The following MAGI1 variants were observed in gnomAD, a reference collection of about 807,000 sequenced individuals.
MAGI1 encodes the protein membrane associated guanylate kinase, WW and PDZ domain containing 1, also known as membrane-associated guanylate kinase, WW and PDZ domain-containing protein 1.
Under a neutral mutation model 139.9 loss-of-function variants are expected in MAGI1, and 58 were observed. The observed-to-expected ratio is 0.41, with a 90% CI of 0.34 to 0.52. The LOEUF (loss-of-function observed/expected upper bound fraction) is 0.52, where lower values mean the gene tolerates loss of function less well. Ranked by LOEUF, MAGI1 falls within the 20% of genes least tolerant of loss-of-function variation. The probability of loss-of-function intolerance (pLI) is 0.12; values close to 1 mark genes in which losing one functional copy is unlikely to be tolerated. For missense variants in MAGI1, 1,874 were observed against 1,901.6 expected (o/e 0.99, Z 0.27); for synonymous variants, 812 against 737.9 (o/e 1.10, Z -1.63).
intron 1 of MAGI1, among the ~76,000 whole-genome samples, chr3:65,817,026 G>C (rs1575596640): frequency 3.3e-5 from 5 of 152,232 alleles, no homozygotes; most frequent in Admixed American, 3.3e-4. Context: ...CAGAATAAAA[G>C]GGTTTGGACA....
At chr3:65,555,260 A>G (rs1205188761) in intron 2 of MAGI1, among the ~76,000 whole-genome samples, 2 of 152,226 alleles carry the variant, frequency 1.3e-5, no homozygotes, top group African/African-American at 4.8e-5. Context: ...TGAACAAAAC[A>G]AGACAATAAT....
Position 65,470,483 on chromosome 3 carries a change from G to T in MAGI1, c.759C>A (p.Ala253=). 1 of 1,610,144 alleles carries T rather than the reference G, an allele frequency of 6.2e-7. No individual in the cohort carries two copies. The highest frequency in any genetic ancestry group is 8.5e-7 in the Non-Finnish European group (1 of 1,177,930). ...TGTGCTCCTCTTGTTCACCAGAATC[G>T]GCTGCTTAATCATGTGAAGAGGTGA... ...DVPEMNSSFT[A]DSGEQEEHTL... Residue 253 remains alanine (A), a splice_region_variant and synonymous_variant, in exon 5 of 23, where the codon GCC becomes GCA. Transcript: ENST00000402939.
chr3:65,684,173 AAAAAAAAAAAAAAG>A (rs1195879625), intron 1 of MAGI1, among the ~76,000 whole-genome samples: 1 of 150,544 alleles, frequency 6.6e-6, no homozygotes, highest in African/African-American at 2.4e-5. Flanking sequence ...GTCTCAAAAA[AAAAAAAAAAAAAAG>A]AAAAGAAAAG....
chr3:65,569,474 A>C (rs2080836677), intron 2 of MAGI1, among the ~76,000 whole-genome samples: 1 of 152,168 alleles, frequency 6.6e-6, no homozygotes, highest in African/African-American at 2.4e-5. Flanking sequence ...GATTGAAAAA[A>C]CCTTCTCCAC....
chr3:65,408,644 T>C (rs1229310330), intron 12 of MAGI1, among the ~76,000 whole-genome samples: 1 of 152,196 alleles, frequency 6.6e-6, no homozygotes, highest in Non-Finnish European at 1.5e-5. Flanking sequence ...TCTGCATCAT[T>C]TCCTGCCAAC....
chr3:65,849,001 C>CTTTTTTTTTTTTTTTTTTTT (rs558270441), intron 1 of MAGI1, among the ~76,000 whole-genome samples: 1 of 39,636 alleles, frequency 2.5e-5, no homozygotes, highest in Non-Finnish European at 4.6e-5. Context: ...TCAGAGCATT[C>CTTTTTTTTTTTTTTTTTTTT]TTTTTTTTTT....
intron 17 of MAGI1, among the ~76,000 whole-genome samples, chr3:65,376,931 C>G (rs1375526894): frequency 6.6e-6 from 1 of 152,146 alleles, no homozygotes; most frequent in East Asian, 1.9e-4. Flanking sequence ...GGCTTTGAGG[C>G]CTGACATAGG....
chr3:65,638,099 G>C (rs1229745446), intron 1 of MAGI1, among the ~76,000 whole-genome samples: 1 of 152,156 alleles, frequency 6.6e-6, no homozygotes, highest in East Asian at 1.9e-4. Context: ...TCCTGACTTT[G>C]CCATCTGCTG....
intron 2 of MAGI1, among the ~76,000 whole-genome samples, chr3:65,541,429 G>T (rs985557475): frequency 6.6e-6 from 1 of 152,120 alleles, no homozygotes; most frequent in African/African-American, 2.4e-5. Context: ...TATGAGGCCA[G>T]CATCATCCTG....
chr3:65,969,413 C>A (rs2064914802), intron 1 of MAGI1, among the ~76,000 whole-genome samples: 1 of 152,168 alleles, frequency 6.6e-6, no homozygotes, highest in African/African-American at 2.4e-5. Context: ...CCTCCATTCC[C>A]CCTCCTCGTA....
Position 65,430,077 on chromosome 3 carries a change from T to C in MAGI1, c.1610A>G (p.Lys537Arg). The C allele has an allele frequency of 6.2e-7, 1 of 1,613,820 alleles. No homozygotes were observed. The highest frequency in any genetic ancestry group is 8.5e-7 in the Non-Finnish European group (1 of 1,179,890). The change falls in exon 12 of 23, where the codon AAG becomes AGG. Residue 537 changes from lysine to arginine, a missense_variant. By Grantham distance (26) the Lys-to-Arg change is conservative (BLOSUM62 2). This residue lies in a region of MAGI1 where 86 missense variants were observed against 130.0 expected (regional missense o/e 0.66). Coordinates refer to ENST00000402939, the MANE Select transcript of MAGI1 (RefSeq NM_001033057.2). Reference protein sequence around the residue: ...VLGHTHAQVVKIFQSIPIGAS... With the variant: ...VLGHTHAQVVRIFQSIPIGAS... ...ACCAATGGGGATGGACTGGAAGATC[T>C]TCACAACTTGAGCATGTGTGTGTCC...
At chr3:66,030,869 A>T (rs2107595234) in intron 1 of MAGI1, among the ~76,000 whole-genome samples, 1 of 152,356 alleles carries the variant, frequency 6.6e-6, no homozygotes, top group African/African-American at 2.4e-5. Flanking sequence ...ATTTAATCAT[A>T]AAAGACACTG....
chr3:65,633,967 A>C (rs2107176909), intron 1 of MAGI1, among the ~76,000 whole-genome samples: 1 of 152,368 alleles, frequency 6.6e-6, no homozygotes, highest in South Asian at 2.1e-4. Context: ...ATACTCTATT[A>C]GAATTCTAAC....
At chr3:65,865,634 T>TTTTTGTTTTG (rs370296702) in intron 1 of MAGI1, among the ~76,000 whole-genome samples, 16 of 152,056 alleles carry the variant, frequency 1.1e-4, no homozygotes, top group Non-Finnish European at 2.4e-4. Context: ...TGCAAGTGTT[T>TTTTTGTTTTG]TTTTGTTTTG....
intron 1 of MAGI1, among the ~76,000 whole-genome samples, chr3:66,015,775 T>C (rs140150571): frequency 1.0e-3 from 157 of 152,298 alleles, no homozygotes; most frequent in African/African-American, 3.7e-3. Flanking sequence ...GAAACTACCC[T>C]GACATAAAGT....
intron 1 of MAGI1, among the ~76,000 whole-genome samples, chr3:65,800,537 C>G (rs1392039786): frequency 1.3e-5 from 2 of 151,868 alleles, no homozygotes; most frequent in Non-Finnish European, 2.9e-5. Flanking sequence ...GCCCAGTGAA[C>G]AGGTGCTTGG....
At chr3:65,706,836 G>A (rs2030390945) in intron 1 of MAGI1, among the ~76,000 whole-genome samples, 1 of 152,170 alleles carries the variant, frequency 6.6e-6, no homozygotes, top group South Asian at 2.1e-4. Context: ...CTCAGCCATG[G>A]TAATAAGTTC....
chr3:65,423,399 C>G lies in MAGI1; in HGVS notation c.2167+6121G>C, dbSNP rs567693395. Among the ~76,000 whole-genome samples the G allele has an allele frequency of 3.3e-5, 5 of 152,234 alleles. No individual in the cohort carries two copies. The East Asian group carries it at 7.7e-4, about 24-fold the overall frequency. On this transcript the variant is annotated intron_variant, in intron 12 of 22. Coordinates refer to ENST00000402939, the MANE Select transcript of MAGI1 (RefSeq NM_001033057.2). ...GCACACACGCGCACACACACACACA[C>G]AGAGAAGAGCTAATGCTAATGATGC...
chr3:65,545,996 A>G (rs546414864), intron 2 of MAGI1, among the ~76,000 whole-genome samples: 41 of 140,386 alleles, frequency 2.9e-4, no homozygotes, highest in East Asian at 6.2e-4. Context: ...ACACACACGC[A>G]CACACACACA....
Sources: gnomAD v4.1 joint callset for allele counts (sites outside exome capture counted in the v4.1 genomes callset) on GRCh38, gnomAD v4.1.1 for gene constraint, gnomAD v4.1.1 regional missense constraint, MANE v1.5 for transcripts, NCBI Gene and HGNC (gene_info 2026-07-23, HGNC 2026-07-21) for gene names.